TMPRSS3: variants seen among roughly 807,000 people sequenced by gnomAD.
TMPRSS3 encodes the protein transmembrane serine protease 3, also known as transmembrane protease serine 3.
A neutral mutation model predicts 59.6 loss-of-function variants in TMPRSS3; 55 were observed. The observed-to-expected ratio is 0.92, with a 90% CI of 0.74 to 1.16. TMPRSS3 has a LOEUF of 1.16. Among genes scored for constraint, TMPRSS3 ranks in the 50% most tolerant of loss-of-function variants. The pLI is 0.00. For missense variants in TMPRSS3, 596 were observed against 579.4 expected (o/e 1.03, Z -0.29); for synonymous variants, 257 against 237.7 (o/e 1.08, Z -0.75).
chr21:42,380,998 T>C (rs2052518842), intron 9 of TMPRSS3, among the ~76,000 whole-genome samples: 1 of 152,242 alleles, frequency 6.6e-6, no homozygotes, highest in African/African-American at 2.4e-5. Flanking sequence ...TTCCTGCTTC[T>C]CTGGAAATAT....
chr21:42,375,763 A>T lies in TMPRSS3; in HGVS notation c.1297T>A (p.Tyr433Asn). 6.2e-7 allele frequency: 1 copy of T among 1,613,754 alleles called. No homozygotes were observed. Among genetic ancestry groups the T allele is most frequent in the Non-Finnish European group, 8.5e-7 (1 of 1,180,028 alleles). ...GCAEVNKPGV[Y>N]TRVTSFLDWI... ...TCCAGGAAGGAGGTGACACGGGTGT[A>T]CACCCCAGGCTTGTTCACCTCTGCG... The change falls in exon 12 of 13, where the codon TAC becomes AAC. Residue 433 changes from tyrosine (Y) to asparagine (N), a missense_variant. Coordinates refer to ENST00000644384, the MANE Select transcript of TMPRSS3 (RefSeq NM_001256317.3).
rs2052451520 is a variant in TMPRSS3, at chr21:42,377,551, G to A, written c.1049-868C>T. ...ATACCTTTCTGTCATTTTAAGCCACGAATTTGGGGTCGTTTGTTGCAACAG... is the reference window on the plus strand; with the variant it reads ...ATACCTTTCTGTCATTTTAAGCCACAAATTTGGGGTCGTTTGTTGCAACAG... On this transcript the variant is annotated intron_variant, in intron 10 of 12. Coordinates refer to ENST00000644384, the MANE Select transcript of TMPRSS3 (RefSeq NM_001256317.3). Among the ~76,000 whole-genome samples the A allele has an allele frequency of 4.6e-5, 7 of 152,204 alleles. No homozygotes were observed. The South Asian group carries it at 1.2e-3, about 27-fold the overall frequency.
chr21:42,384,601 C>T lies in TMPRSS3; in HGVS notation c.573-588G>A, dbSNP rs985577653. On this transcript the variant is annotated intron_variant, in intron 6 of 12. Transcript: ENST00000644384. Reference sequence around the variant, plus strand: ...GTAATGTTTTCTGCCTTTTGAGCCCCAGCTCATCATGCAAGAGAAAGCTAG... The same window carrying T: ...GTAATGTTTTCTGCCTTTTGAGCCCTAGCTCATCATGCAAGAGAAAGCTAG... Among the ~76,000 whole-genome samples, 3 of 152,218 alleles carry T rather than the reference C, an allele frequency of 2.0e-5. No individual in the cohort carries two copies. The East Asian group carries it at 5.8e-4, about 29-fold the overall frequency.
At chr21:42,374,171 G>T (rs7278013) in intron 12 of TMPRSS3, among the ~76,000 whole-genome samples, 2,110 of 152,300 alleles carry the variant, frequency 0.014, 58 homozygotes, top group African/African-American at 0.047. Context: ...CAGTGCGGGC[G>T]GGCTGGGCTG....
chr21:42,373,836 G>A (rs920816448), intron 12 of TMPRSS3, among the ~76,000 whole-genome samples: 3 of 152,198 alleles, frequency 2.0e-5, no homozygotes, highest in South Asian at 2.1e-4. Context: ...TCATGGAACC[G>A]TTGTGAGCGG....
chr21:42,385,133 C>A (rs2052612845), intron 6 of TMPRSS3, among the ~76,000 whole-genome samples: 1 of 149,510 alleles, frequency 6.7e-6, no homozygotes, highest in South Asian at 2.2e-4. Context: ...CAGACACACC[C>A]AGAGTGCCTG....
intron 9 of TMPRSS3, 39 bp from the exon 10 acceptor site, chr21:42,380,251 G>T: frequency 6.5e-7 from 1 of 1,534,424 alleles, no homozygotes; most frequent in Non-Finnish European, 9.0e-7. Flanking sequence ...CTCAATTGAA[G>T]CAGGAGTCCG....
At chr21:42,384,281 G>A (rs1467691291) in intron 6 of TMPRSS3, among the ~76,000 whole-genome samples, 1 of 152,124 alleles carries the variant, frequency 6.6e-6, no homozygotes, top group Non-Finnish European at 1.5e-5. Context: ...TAGTGATAAA[G>A]GATGTGTAAG....
In TMPRSS3 at chr21:42,375,681, G is replaced by A. The variant is rs746962459; in HGVS notation, c.1344+35C>T. The A allele has an allele frequency of 2.9e-5, 47 of 1,613,410 alleles. 1 individual carries two copies. Among genetic ancestry groups the A allele is most frequent in the South Asian group, 2.6e-4 (24 of 91,068 alleles). On this transcript the variant is annotated intron_variant, in intron 12 of 12. Transcript: ENST00000644384. ...TAAGGGACCTTAGGGTCAAAAGCCAGGGACAACGTGAGCTGGGGAGGGCGC... is the reference window on the plus strand; with the variant it reads ...TAAGGGACCTTAGGGTCAAAAGCCAAGGACAACGTGAGCTGGGGAGGGCGC...
chr21:42,385,299 T>G, intron 6 of TMPRSS3, 110 bp downstream of exon 6: 160 of 1,490,170 alleles, frequency 1.1e-4, no homozygotes, highest in Middle Eastern at 2.3e-4. Context: ...ACCTTCCATC[T>G]GAGATAACAC....
intron 10 of TMPRSS3, among the ~76,000 whole-genome samples, chr21:42,379,164 G>A (rs1262507611): frequency 6.6e-6 from 1 of 152,002 alleles, no homozygotes; most frequent in Non-Finnish European, 1.5e-5. Flanking sequence ...GGGATTACAG[G>A]CATGAACCAC....
chr21:42,389,510 T>G (rs1337261291), intron 3 of TMPRSS3, among the ~76,000 whole-genome samples: 1 of 152,238 alleles, frequency 6.6e-6, no homozygotes. Context: ...TGTTCCCTAT[T>G]AGAGACCCTC....
At chr21:42,383,663 G>T (rs1042784412) in intron 7 of TMPRSS3, 1 of 609,550 alleles carries the variant, frequency 1.6e-6, no homozygotes. Context: ...CACTGTGCAC[G>T]TGTAAGGAGG....
intron 2 of TMPRSS3, among the ~76,000 whole-genome samples, chr21:42,395,118 G>A (rs1044106503): frequency 1.3e-5 from 2 of 152,150 alleles, no homozygotes; most frequent in African/African-American, 4.8e-5. Context: ...GGTCTCCAGG[G>A]AGAGAGCAAA....
At chr21:42,390,450 G>A (rs1183053042) in intron 2 of TMPRSS3, 11 of 240,862 alleles carry the variant, frequency 4.6e-5, no homozygotes, top group East Asian at 9.9e-5. Flanking sequence ...GAAAACAGCC[G>A]GGTGCAGTGG....
At position 42,380,199 on chromosome 21, in the gene TMPRSS3, A is replaced by C. The variant is rs1568880905; in HGVS notation, c.966T>G (p.Pro322=). The C allele has an allele frequency of 6.2e-7, 1 of 1,614,022 alleles. No individual in the cohort carries two copies. Among genetic ancestry groups the C allele is most frequent in the Non-Finnish European group, 8.5e-7 (1 of 1,179,900 alleles). ...GPLTFNEMIQ[P]VCLPNSEENF... ...TCTCTTCAGAGTTGGGCAGGCACAC[A>C]GGCTGGATCATTTCTGCTTGAAGGG... Residue 322 remains proline (P), a synonymous_variant, in exon 10 of 13, where the codon CCT becomes CCG. Transcript: ENST00000644384.
At position 42,375,342 on chromosome 21, in the gene TMPRSS3, C is replaced by T. The variant is rs547109568; in HGVS notation, c.1344+374G>A. On this transcript the variant is annotated intron_variant, in intron 12 of 12. Coordinates refer to ENST00000644384, the MANE Select transcript of TMPRSS3 (RefSeq NM_001256317.3). ...TCAGCAGGCAGGCAAGGTCCTCTCC[C>T]GCACTGTCTCAGCCCCCCGCCCCCT... Among the ~76,000 whole-genome samples the T allele has an allele frequency of 3.3e-5, 5 of 151,382 alleles. No homozygotes were observed. In the East Asian group the frequency reaches 5.9e-4, roughly 18 times the overall value.
intron 12 of TMPRSS3, among the ~76,000 whole-genome samples, chr21:42,375,227 C>T (rs1194921413): frequency 6.9e-6 from 1 of 145,822 alleles, no homozygotes; most frequent in East Asian, 2.1e-4. Context: ...CTCCGGGACC[C>T]CCCACCCCCC....
At chr21:42,381,979 C>G (rs770987312) in intron 9 of TMPRSS3, 86 bp downstream of exon 9, 13 of 1,498,274 alleles carry the variant, frequency 8.7e-6, no homozygotes, top group African/African-American at 1.4e-5. Flanking sequence ...TATAAAGCAG[C>G]CATCATAAGA....
Sources: gnomAD v4.1 joint callset for allele counts (sites outside exome capture counted in the v4.1 genomes callset) on GRCh38, gnomAD v4.1.1 for gene constraint, MANE v1.5 for transcripts, NCBI Gene and HGNC (gene_info 2026-07-23, HGNC 2026-07-21) for gene names.